STXBP3: variants seen among roughly 807,000 people sequenced by gnomAD.
STXBP3 encodes syntaxin binding protein 3.
In STXBP3, 41 loss-of-function variants were observed where a neutral mutation model predicts 85.7. That is an observed-to-expected ratio of 0.48 (90% CI 0.37 to 0.62). STXBP3 has a LOEUF of 0.62. STXBP3 is among the 20% of genes least tolerant of loss of function. STXBP3 has a pLI of 0.00. For synonymous variants in STXBP3, 229 were observed against 231.7 expected (o/e 0.99, Z 0.10); for missense variants, 563 against 703.1 (o/e 0.80, Z 2.25).
rs1007645237 is a variant in STXBP3, at chr1:108,756,631, A to T, written c.182-59A>T. 1.2e-5 allele frequency: 12 copies of T among 973,540 alleles called. No homozygotes were observed. The East Asian group carries it at 2.1e-4, about 17-fold the overall frequency. The allele number at this position is 973,540 out of a possible 1,614,324, so 60.3% of individuals were successfully genotyped here. The stretch of plus-strand genomic sequence containing the variant: ...ATGGAAAGTACAGTAAAGTTTATTT[A>T]AAAATTATTTTAAGTATATAAATAT... On this transcript the variant is annotated intron_variant, in intron 3 of 18. Transcript: ENST00000370008.
chr1:108,775,181 C>A (rs889899350), intron 7 of STXBP3, among the ~76,000 whole-genome samples: 1 of 151,968 alleles, frequency 6.6e-6, no homozygotes, highest in Non-Finnish European at 1.5e-5. Context: ...GGTATACAAC[C>A]TAAAGATTCT....
In STXBP3 at chr1:108,807,462, G is replaced by C; in HGVS notation, c.1597G>C (p.Val533Leu). 6.2e-7 allele frequency: 1 copy of C among 1,612,826 alleles called. No homozygotes were observed. ...EDRKNGSKLI[V>L]FVIGGITYSE... ...CCGAAAAAATGGGTCAAAGCTGATT[G>C]TTTTTGTAATTGGAGGGATCACATA... The change falls in exon 18 of 19, where the codon GTT becomes CTT. Residue 533 changes from valine (V) to leucine (L), a missense_variant. Physicochemically the swap from Val to Leu is conservative, Grantham distance 32. Coordinates refer to ENST00000370008, the MANE Select transcript of STXBP3 (RefSeq NM_007269.4).
At position 108,798,201 on chromosome 1, in the gene STXBP3, C is replaced by G. The variant is rs781567881; in HGVS notation, c.1413C>G (p.Leu471=). The G allele has an allele frequency of 5.0e-6, 8 of 1,612,684 alleles. No homozygotes were observed. Among genetic ancestry groups the G allele is most frequent in the Non-Finnish European group, 6.8e-6 (8 of 1,179,628 alleles). Reference sequence around the variant, plus strand: ...GGTCTGCAGAAGAAACTTTTCAGCTCTCTCGGTGGACACCTTTTATCAAAG... The same window carrying G: ...GGTCTGCAGAAGAAACTTTTCAGCTGTCTCGGTGGACACCTTTTATCAAAG... ...KDRSAEETFQ[L]SRWTPFIKDI... is the part of the protein sequence containing the mutation. The change falls in exon 16 of 19, where the codon CTC becomes CTG. Residue 471 remains leucine, a synonymous_variant. Transcript: ENST00000370008.
At chr1:108,800,587 A>G (rs1047908213) in intron 17 of STXBP3, among the ~76,000 whole-genome samples, 2 of 152,184 alleles carry the variant, frequency 1.3e-5, no homozygotes, top group African/African-American at 4.8e-5. Flanking sequence ...GTGTTGAGGT[A>G]CTTTAAACAT....
chr1:108,756,627 A>AT, intron 3 of STXBP3, 63 bp from the exon 4 acceptor site: 1 of 926,508 alleles, frequency 1.1e-6, no homozygotes, highest in Non-Finnish European at 1.5e-6. Context: ...AGTAAAGTTT[A>AT]TTTAAAAATT....
At chr1:108,782,558 A>G in intron 10 of STXBP3, 41 bp downstream of exon 10, 1 of 1,604,446 alleles carries the variant, frequency 6.2e-7, no homozygotes, top group Non-Finnish European at 8.5e-7. Flanking sequence ...TAATTTTTAG[A>G]CACTATGTGA....
At chr1:108,780,100 G>A (rs1447498455) in intron 9 of STXBP3, 1 of 152,200 alleles carries the variant, frequency 6.6e-6, no homozygotes, top group South Asian at 2.1e-4. Flanking sequence ...AAGATTTACT[G>A]CTTGAGTACA....
chr1:108,794,991 T>C (rs1051616733), intron 13 of STXBP3, 84 bp downstream of exon 13: 1 of 1,254,420 alleles, frequency 8.0e-7, no homozygotes, highest in African/African-American at 1.5e-5. Context: ...TTTTGCTTGA[T>C]ACAGTGGTTG....
At chr1:108,776,576 C>T (rs978829093) in intron 8 of STXBP3, 153 bp downstream of exon 8, 119 of 514,612 alleles carry the variant, frequency 2.3e-4, no homozygotes, top group Middle Eastern at 1.1e-3. Context: ...CATACACAAT[C>T]GTGCAAACCT....
rs1355334224 is a variant in STXBP3 at position 108,793,593 on chromosome 1, T to C, written c.975T>C (p.Ser325=). The change falls in exon 12 of 19, where the codon AGT becomes AGC. Residue 325 remains serine (S), a synonymous_variant. Transcript: ENST00000370008. ...TTGATTTTTCCTAGACATCACTTAGTGCTCTTACCCAGCTGATGAAAAAGA... is the reference window on the plus strand; with the variant it reads ...TTGATTTTTCCTAGACATCACTTAGCGCTCTTACCCAGCTGATGAAAAAGA... ...KKATEGKTSL[S]ALTQLMKKMP... 2 of 1,612,082 alleles carry C rather than the reference T, an allele frequency of 1.2e-6. No individual in the cohort carries two copies. Among genetic ancestry groups the C allele is most frequent in the Non-Finnish European group, 1.7e-6 (2 of 1,178,764 alleles).
At chr1:108,758,143 A>T (rs1407915529) in intron 4 of STXBP3, among the ~76,000 whole-genome samples, 1 of 151,976 alleles carries the variant, frequency 6.6e-6, no homozygotes, top group Non-Finnish European at 1.5e-5. Context: ...GATGATACTT[A>T]TAGTATGTTG....
At chr1:108,763,782 A>G (rs767331237) in intron 6 of STXBP3, among the ~76,000 whole-genome samples, 1 of 150,960 alleles carries the variant, frequency 6.6e-6, no homozygotes, top group African/African-American at 2.4e-5. Context: ...GGGTTTCTCC[A>G]TGTTGTTCAG....
chr1:108,786,203 T>C (rs147113332), intron 11 of STXBP3, among the ~76,000 whole-genome samples: 46 of 152,260 alleles, frequency 3.0e-4, no homozygotes, highest in Non-Finnish European at 4.9e-4. Flanking sequence ...AGGAAACTTA[T>C]AGTCATGGTG....
At chr1:108,785,011 CCT>C (rs1333756121) in intron 11 of STXBP3, among the ~76,000 whole-genome samples, 2 of 152,198 alleles carry the variant, frequency 1.3e-5, no homozygotes, top group Non-Finnish European at 2.9e-5. Flanking sequence ...GGATATAGCC[CCT>C]CTCCCAGCTG....
chr1:108,807,405 C>T lies in STXBP3; in HGVS notation c.1540C>T (p.Arg514Cys), dbSNP rs1296065999. Residue 514 changes from arginine (R) to cysteine (C), a missense_variant, in exon 18 of 19, where the codon CGC (arginine) becomes TGC (cysteine). Around this residue, in one of 3 missense-constraint regions of STXBP3, gnomAD observed 494 missense variants for 592.8 expected, o/e 0.83. Coordinates refer to ENST00000370008, the MANE Select transcript of STXBP3 (RefSeq NM_007269.4). ...TTTTTTTAAATTACTTTTTAGTGCT[C>T]GCCAGAAACCCAGAGCTAATTATTT... ...VWNGSGAVSA[R>C]QKPRANYLED... 3 of 1,597,082 alleles carry T rather than the reference C, an allele frequency of 1.9e-6. No individual in the cohort carries two copies. The highest frequency in any genetic ancestry group is 1.8e-5 in the Admixed American group (1 of 56,282).
chr1:108,762,487 A>C (rs1021838555), intron 6 of STXBP3, among the ~76,000 whole-genome samples: 1 of 148,962 alleles, frequency 6.7e-6, no homozygotes, highest in African/African-American at 2.5e-5. Context: ...TTTTACTGTT[A>C]TATCTTTTTT....
intron 3 of STXBP3, 176 bp downstream of exon 3, chr1:108,753,320 C>G (rs551190421): frequency 2.9e-6 from 1 of 343,380 alleles, no homozygotes; most frequent in African/African-American, 3.7e-5. Flanking sequence ...TTTCCCTCAG[C>G]CGAGACATAT....
intron 11 of STXBP3, among the ~76,000 whole-genome samples, chr1:108,790,171 G>A (rs888534582): frequency 6.6e-6 from 1 of 151,936 alleles, no homozygotes; most frequent in African/African-American, 2.4e-5. Flanking sequence ...ACTAGAAGTG[G>A]TATATTAAAA....
At chr1:108,782,349 G>T (rs1275232198) in intron 9 of STXBP3, 73 bp from the exon 10 acceptor site, 2 of 1,150,048 alleles carry the variant, frequency 1.7e-6, no homozygotes, top group Non-Finnish European at 2.5e-6. Context: ...TGAAATTATT[G>T]TTTGTAAAAA....
Sources: allele counts gnomAD v4.1 joint callset (sites outside exome capture counted in the v4.1 genomes callset), GRCh38; gene constraint gnomAD v4.1.1; regional missense constraint gnomAD v4.1.1; transcripts MANE v1.5; gene names NCBI Gene and HGNC (gene_info 2026-07-23, HGNC 2026-07-21).